The following OSBPL8 variants were observed in gnomAD, a reference collection of about 807,000 sequenced individuals.
The protein encoded by OSBPL8 is oxysterol-binding protein-related protein 8.
A neutral mutation model predicts 125.5 loss-of-function variants in OSBPL8; 59 were observed. The ratio of observed to expected loss-of-function variants is 0.47; its 90% CI spans 0.38 to 0.58. OSBPL8 has a LOEUF of 0.58. OSBPL8 is among the 20% of genes least tolerant of loss of function. OSBPL8 has a pLI of 0.00. For missense variants in OSBPL8, 758 were observed against 1,047.8 expected (o/e 0.72, Z 3.82); for synonymous variants, 330 against 338.9 (o/e 0.97, Z 0.29).
intron 1 of OSBPL8, among the ~76,000 whole-genome samples, chr12:76,530,033 T>C (rs1279394349): frequency 6.6e-6 from 1 of 152,090 alleles, no homozygotes; most frequent in African/African-American, 2.4e-5. Context: ...TCCTTTAACA[T>C]GTCAAGCAGA....
chr12:76,474,216 T>C (rs1723739915), intron 2 of OSBPL8, among the ~76,000 whole-genome samples: 1 of 152,190 alleles, frequency 6.6e-6, no homozygotes, highest in Non-Finnish European at 1.5e-5. Flanking sequence ...TTAAGTATTT[T>C]GATTTAACGT....
intron 1 of OSBPL8, among the ~76,000 whole-genome samples, chr12:76,488,896 C>G (rs1392212892): frequency 6.6e-6 from 1 of 152,136 alleles, no homozygotes; most frequent in Non-Finnish European, 1.5e-5. Flanking sequence ...ATGTCAAAAG[C>G]CAGAAGCATG....
chr12:76,557,135 ATTG>A (rs1951129073), intron 1 of OSBPL8, among the ~76,000 whole-genome samples: 1 of 152,206 alleles, frequency 6.6e-6, no homozygotes, highest in Non-Finnish European at 1.5e-5. Context: ...CATTTCAGGC[ATTG>A]TTATTAGGAT....
chr12:76,451,112 CAATACTT>C, intron 3 of OSBPL8, 124 bp from the exon 4 acceptor site: 1 of 1,003,986 alleles, frequency 1.0e-6, no homozygotes, highest in South Asian at 1.9e-5. Context: ...TTTACCAACT[CAATACTT>C]TAATAAATTC....
intron 7 of OSBPL8, among the ~76,000 whole-genome samples, chr12:76,398,261 T>G (rs958297979): frequency 6.6e-6 from 1 of 152,170 alleles, no homozygotes; most frequent in Non-Finnish European, 1.5e-5. Flanking sequence ...CATATGATGA[T>G]TCTGCTTAAA....
At chr12:76,433,848 C>T (rs370035011) in intron 4 of OSBPL8, among the ~76,000 whole-genome samples, 1 of 151,786 alleles carries the variant, frequency 6.6e-6, no homozygotes, top group Admixed American at 6.6e-5. Context: ...TAGTGACATG[C>T]ACCTGTAATC....
At chr12:76,461,267 C>T (rs1874690397) in intron 2 of OSBPL8, among the ~76,000 whole-genome samples, 1 of 152,122 alleles carries the variant, frequency 6.6e-6, no homozygotes, top group African/African-American at 2.4e-5. Context: ...GAGACTGTGA[C>T]TCCCATCTTG....
chr12:76,547,311 T>C (rs1029468619), intron 1 of OSBPL8, among the ~76,000 whole-genome samples: 1 of 152,144 alleles, frequency 6.6e-6, no homozygotes, highest in Admixed American at 6.5e-5. Context: ...CCAGGTTAAT[T>C]TACAATAGTA....
At chr12:76,513,101 T>C (rs2137200989) in intron 1 of OSBPL8, among the ~76,000 whole-genome samples, 1 of 152,370 alleles carries the variant, frequency 6.6e-6, no homozygotes, top group Admixed American at 6.5e-5. Flanking sequence ...TGTAATTGCA[T>C]GGTTTTGAGG....
intron 1 of OSBPL8, among the ~76,000 whole-genome samples, chr12:76,528,898 T>C (rs1263552165): frequency 2.6e-5 from 4 of 152,052 alleles, no homozygotes; most frequent in Admixed American, 6.6e-5. Context: ...AACTTTAAAA[T>C]TTCATCAAAT....
chr12:76,545,892 G>C (rs1170103574), intron 1 of OSBPL8, among the ~76,000 whole-genome samples: 2 of 152,098 alleles, frequency 1.3e-5, no homozygotes, highest in Non-Finnish European at 2.9e-5. Flanking sequence ...ACGTGACAAG[G>C]AAAAAATTCT....
At chr12:76,550,870 G>A (rs961733294) in intron 1 of OSBPL8, among the ~76,000 whole-genome samples, 17 of 152,170 alleles carry the variant, frequency 1.1e-4, no homozygotes, top group African/African-American at 3.9e-4. Flanking sequence ...GGAGGCAGGA[G>A]TTCAAATTCA....
chr12:76,359,524 A>C (rs1952118226), intron 21 of OSBPL8, among the ~76,000 whole-genome samples: 1 of 152,226 alleles, frequency 6.6e-6, no homozygotes. Context: ...TTAAACTTAA[A>C]AACCTAAATG....
chr12:76,375,154 T>G, intron 17 of OSBPL8, 119 bp downstream of exon 17: 2 of 631,092 alleles, frequency 3.2e-6, no homozygotes, highest in Non-Finnish European at 2.6e-6. Flanking sequence ...ATCCTTGACA[T>G]GACATAAATT....
At chr12:76,408,510 C>A in intron 5 of OSBPL8, among the ~76,000 whole-genome samples, 1 of 148,200 alleles carries the variant, frequency 6.7e-6, no homozygotes, top group East Asian at 2.0e-4. Flanking sequence ...TTGTAACTAG[C>A]AGCTAAAAAC....
chr12:76,531,668 C>A (rs533205617), intron 1 of OSBPL8, among the ~76,000 whole-genome samples: 1 of 152,056 alleles, frequency 6.6e-6, no homozygotes, highest in African/African-American at 2.4e-5. Context: ...AACTTAAAAT[C>A]AAATCCAGTA....
intron 17 of OSBPL8, among the ~76,000 whole-genome samples, chr12:76,373,971 A>G (rs1311419637): frequency 6.6e-6 from 1 of 152,166 alleles, no homozygotes; most frequent in Admixed American, 6.6e-5. Context: ...TGATGCTCCA[A>G]TGTCATACTT....
chr12:76,489,361 AGAG>A (rs1226477039), intron 1 of OSBPL8, among the ~76,000 whole-genome samples: 1 of 152,242 alleles, frequency 6.6e-6, no homozygotes, highest in Non-Finnish European at 1.5e-5. Context: ...TCATATCTAG[AGAG>A]GAGAAGTCAA....
rs1191310024 is a variant in OSBPL8 at position 76,369,196 on chromosome 12, T to C, written c.2328+18A>G. 1.9e-6 allele frequency: 3 copies of C among 1,600,616 alleles called. No homozygotes were observed. The highest frequency in any genetic ancestry group is 2.6e-6 in the Non-Finnish European group (3 of 1,176,324). On this transcript the variant is annotated intron_variant, in intron 21 of 23. Coordinates refer to ENST00000261183, the MANE Select transcript of OSBPL8 (RefSeq NM_020841.5). ...AACAGATTTATATACCTAGTGTACC[T>C]AGTTTTTTATTACATACCATTGGAG...
Sources: allele counts gnomAD v4.1 joint callset (sites outside exome capture counted in the v4.1 genomes callset), GRCh38; gene constraint gnomAD v4.1.1; transcripts MANE v1.5; gene names NCBI Gene and HGNC (gene_info 2026-07-23, HGNC 2026-07-21).